GSE1: variants seen among roughly 807,000 people sequenced by gnomAD.
GSE1 encodes Gse1 coiled-coil protein.
A neutral mutation model predicts 112.6 loss-of-function variants in GSE1; 32 were observed. The ratio of observed to expected loss-of-function variants is 0.28; its 90% confidence interval spans 0.21 to 0.38. The LOEUF (loss-of-function observed/expected upper bound fraction) is 0.38. Among genes scored for constraint, GSE1 ranks in the 10% least tolerant of loss-of-function variants. GSE1 has a pLI of 1.00. For missense variants in GSE1, 2,348 were observed against 1,699.2 expected (o/e 1.38, Z -6.71); for synonymous variants, 1,115 against 735.6 (o/e 1.52, Z -8.35).
At chr16:85,305,983 CA>C (rs1191144198) in intron 1 of GSE1, among the ~76,000 whole-genome samples, 2 of 152,088 alleles carry the variant, frequency 1.3e-5, no homozygotes. Flanking sequence ...GCTAGCTACT[CA>C]GCAGGCTGAG....
intron 2 of GSE1, among the ~76,000 whole-genome samples, chr16:85,479,629 T>C (rs1442541467): frequency 2.0e-5 from 3 of 152,190 alleles, no homozygotes; most frequent in South Asian, 2.1e-4. Flanking sequence ...GTGGGCGTTA[T>C]GTTTTCAATT....
intron 2 of GSE1, among the ~76,000 whole-genome samples, chr16:85,521,446 G>C (rs2052183094): frequency 6.6e-6 from 1 of 152,146 alleles, no homozygotes; most frequent in African/African-American, 2.4e-5. Flanking sequence ...CTCTCCTCCT[G>C]CCTGCAGCAG....
At chr16:85,508,238 T>C (rs550476622) in intron 2 of GSE1, among the ~76,000 whole-genome samples, 1 of 152,160 alleles carries the variant, frequency 6.6e-6, no homozygotes, top group Non-Finnish European at 1.5e-5. Flanking sequence ...TTCACCATGT[T>C]GGCCAGGCTG....
At chr16:85,474,732 C>A (rs1326950491) in intron 2 of GSE1, among the ~76,000 whole-genome samples, 2 of 151,004 alleles carry the variant, frequency 1.3e-5, no homozygotes, top group African/African-American at 4.9e-5. Context: ...CTCCCACCTT[C>A]TCCTCCCCAA....
chr16:85,170,532 G>A, exon 1 of GSE1: 1 of 985,826 alleles, frequency 1.0e-6, no homozygotes, highest in Non-Finnish European at 1.2e-6. Flanking sequence ...ACAAGGAACA[G>A]CCTTTCCCAG....
At chr16:85,645,203 G>A (rs528790229) in intron 2 of GSE1, among the ~76,000 whole-genome samples, 1 of 152,168 alleles carries the variant, frequency 6.6e-6, no homozygotes, top group East Asian at 1.9e-4. Context: ...CTGGGGGTCT[G>A]GGGTTGGGTC....
chr16:85,221,347 GCA>G (rs1197359919), intron 1 of GSE1, among the ~76,000 whole-genome samples: 1 of 150,640 alleles, frequency 6.6e-6, no homozygotes, highest in Admixed American at 6.6e-5. Context: ...CCAAGTACAT[GCA>G]CACACACACA....
rs376820734 is a variant in GSE1 at position 85,335,549 on chromosome 16, G to A, written c.2284-21914G>A. Among the ~76,000 whole-genome samples the A allele has an allele frequency of 3.7e-4, 56 of 152,334 alleles. No individual in the cohort carries two copies. The East Asian group carries it at 7.0e-3, about 19-fold the overall frequency. ...CAGGTGCTGGGGCGTGGGTTTGTGG[G>A]GTGAGGGAGTACATGGCCCAGAATA... On this transcript the variant is annotated intron_variant, in intron 1 of 2. Coordinates refer to the GSE1 transcript ENST00000637419.
chr16:85,272,747 C>A (rs1017004487), intron 1 of GSE1, among the ~76,000 whole-genome samples: 4 of 150,106 alleles, frequency 2.7e-5, no homozygotes, highest in Non-Finnish European at 5.9e-5. Flanking sequence ...TGTTTGCTTG[C>A]TTGCTTGCTT....
chr16:85,234,803 G>C (rs550711912), intron 1 of GSE1, among the ~76,000 whole-genome samples: 3 of 152,210 alleles, frequency 2.0e-5, no homozygotes, highest in South Asian at 2.1e-4. Flanking sequence ...GCTGGCGGGT[G>C]GGGTGGAGGC....
At chr16:85,391,242 C>T (rs576652623) in intron 2 of GSE1, among the ~76,000 whole-genome samples, 2 of 152,368 alleles carry the variant, frequency 1.3e-5, no homozygotes, top group South Asian at 4.1e-4. Context: ...TGTGCAAACA[C>T]ATTCGGGCAT....
intron 1 of GSE1, among the ~76,000 whole-genome samples, chr16:85,282,577 G>C (rs974033836): frequency 5.9e-5 from 9 of 152,358 alleles, no homozygotes; most frequent in African/African-American, 2.2e-4. Flanking sequence ...ATCCTGGACT[G>C]TTTGGTGACG....
intron 1 of GSE1, among the ~76,000 whole-genome samples, chr16:85,576,969 G>T (rs1252930399): frequency 6.6e-6 from 1 of 152,138 alleles, no homozygotes; most frequent in African/African-American, 2.4e-5. Flanking sequence ...CTGCATGGGG[G>T]CTTTAGGTGA....
At chr16:85,629,876 G>A (rs914907091) in intron 1 of GSE1, among the ~76,000 whole-genome samples, 1 of 152,210 alleles carries the variant, frequency 6.6e-6, no homozygotes, top group East Asian at 1.9e-4. Flanking sequence ...GTTATCTAGC[G>A]TTGTGTGACC....
rs998053059 is a variant in GSE1, at chr16:85,326,855, C to A, written c.2284-30608C>A. 2.0e-5 allele frequency among the ~76,000 whole-genome samples: 3 copies of A among 152,342 alleles called. No individual in the cohort carries two copies. The East Asian group carries it at 5.8e-4, about 29-fold the overall frequency. On this transcript the variant is annotated intron_variant, in intron 1 of 2. Coordinates refer to the GSE1 transcript ENST00000637419. ...GTCCCGATCAGTTTAAGACCCAGTC[C>A]CTGCCTGGAAACATTTCTTCCGGTT...
intron 1 of GSE1, among the ~76,000 whole-genome samples, chr16:85,224,986 C>T (rs1180973908): frequency 1.3e-5 from 2 of 152,160 alleles, no homozygotes; most frequent in South Asian, 4.1e-4. Flanking sequence ...AACAAATTAG[C>T]TGGGCATGAT....
chr16:85,636,918 TGTGCTACCCCCCCAGCTCCCTG>T (rs957075930), intron 2 of GSE1, among the ~76,000 whole-genome samples: 18 of 150,304 alleles, frequency 1.2e-4, no homozygotes, highest in African/African-American at 3.4e-4. Flanking sequence ...CCAGCTCCCC[TGTGCTACCCCCCCAGCTCCCTG>T]GTGCTACCTC....
rs768508867 is a variant in GSE1 at position 85,634,074 on chromosome 16, A to G, written c.168A>G (p.Pro56=). 15 of 1,604,246 alleles carry G rather than the reference A, an allele frequency of 9.4e-6. No homozygotes were observed. The South Asian group carries it at 1.6e-4, about 17-fold the overall frequency. Residue 56 remains proline, a synonymous_variant, in exon 2 of 16, where the codon CCA becomes CCG. Coordinates refer to ENST00000253458, the MANE Select transcript of GSE1 (RefSeq NM_014615.5). The stretch of plus-strand genomic sequence containing the variant: ...GCGCGCTGTCGGCCCAGGCCGCGCC[A>G]TCCTCCAGCTTTGCCGCCGCGCTGC... ...TSSALSAQAA[P]SSSFAAALRK...
chr16:85,377,030 C>T (rs1489294326), intron 2 of GSE1, among the ~76,000 whole-genome samples: 1 of 152,222 alleles, frequency 6.6e-6, no homozygotes, highest in Admixed American at 6.5e-5. Flanking sequence ...CCACCTTCAC[C>T]GACCACGTGT....
Sources: allele counts gnomAD v4.1 joint callset (sites outside exome capture counted in the v4.1 genomes callset), GRCh38; gene constraint gnomAD v4.1.1; transcripts MANE v1.5; gene names NCBI Gene and HGNC (gene_info 2026-07-23, HGNC 2026-07-21).